Variants in SPOCK1 observed in about 807,000 individuals in gnomAD.
The protein encoded by SPOCK1 is testican-1.
In SPOCK1, 23 loss-of-function variants were observed where a neutral mutation model predicts 55.3. The ratio of observed to expected loss-of-function variants is 0.42; its 90% CI spans 0.30 to 0.59. SPOCK1 has a LOEUF of 0.59. SPOCK1 is among the 20% of genes least tolerant of loss of function. The pLI is 0.22. For synonymous variants in SPOCK1, 226 were observed against 221.0 expected, an observed-to-expected ratio of 1.02 and a Z score of -0.20; for missense variants, 499 against 552.5, an observed-to-expected ratio of 0.90 and a Z score of 0.97.
chr5:137,403,217 T>C (rs1480054687), intron 2 of SPOCK1, among the ~76,000 whole-genome samples: 1 of 152,132 alleles, frequency 6.6e-6, no homozygotes, highest in Non-Finnish European at 1.5e-5. Context: ...CCCTCACACC[T>C]CCAGTTGAGA....
chr5:137,478,976 C>G (rs1753894017), intron 2 of SPOCK1, among the ~76,000 whole-genome samples: 1 of 151,904 alleles, frequency 6.6e-6, no homozygotes, highest in Non-Finnish European at 1.5e-5. Context: ...CCTCCCTGCT[C>G]CCCCAGTCTG....
intron 3 of SPOCK1, among the ~76,000 whole-genome samples, chr5:137,149,427 T>C (rs545350429): frequency 6.6e-6 from 1 of 152,212 alleles, no homozygotes; most frequent in South Asian, 2.1e-4. Flanking sequence ...TGACATAAAT[T>C]ATTCATAAGA....
intron 2 of SPOCK1, among the ~76,000 whole-genome samples, chr5:137,466,637 A>T (rs1410786090): frequency 1.1e-4 from 17 of 152,232 alleles, no homozygotes; most frequent in Admixed American, 1.1e-3. Context: ...TGTAAAATTG[A>T]CATAATGGAA....
At chr5:137,056,701 G>T (rs1752307491) in intron 6 of SPOCK1, among the ~76,000 whole-genome samples, 2 of 151,938 alleles carry the variant, frequency 1.3e-5, no homozygotes, top group Non-Finnish European at 2.9e-5. Flanking sequence ...GATCTACTTG[G>T]TTGACAGCCT....
chr5:137,057,802 G>A (rs916952320), intron 6 of SPOCK1, among the ~76,000 whole-genome samples: 1 of 152,168 alleles, frequency 6.6e-6, no homozygotes, highest in Non-Finnish European at 1.5e-5. Context: ...TTGTAATGCT[G>A]TCTTTTCTTT....
intron 3 of SPOCK1, among the ~76,000 whole-genome samples, chr5:137,175,198 G>A (rs1043887704): frequency 7.2e-5 from 11 of 152,338 alleles, no homozygotes; most frequent in Admixed American, 4.6e-4. Context: ...GTGGAAAAGA[G>A]GGTGTTAGGA....
chr5:137,209,877 G>T (rs1160177208), intron 3 of SPOCK1, among the ~76,000 whole-genome samples: 1 of 152,140 alleles, frequency 6.6e-6, no homozygotes, highest in African/African-American at 2.4e-5. Flanking sequence ...AACACCAAAG[G>T]TAATAAATCC....
intron 6 of SPOCK1, among the ~76,000 whole-genome samples, chr5:137,006,644 CAG>C (rs911784892): frequency 6.6e-6 from 1 of 152,164 alleles, no homozygotes; most frequent in Non-Finnish European, 1.5e-5. Flanking sequence ...CATCTACAAA[CAG>C]AGATAATTTG....
In SPOCK1 at chr5:137,167,159, G is replaced by C. The variant is rs75217514; in HGVS notation, c.233-26465C>G. 2.0e-5 allele frequency among the ~76,000 whole-genome samples: 3 copies of C among 151,928 alleles called. No individual in the cohort carries two copies. In the East Asian group the frequency reaches 5.8e-4, roughly 29 times the overall value. ...TGCCATGGAAGCCATAAAAGAGCAG[G>C]AGTAGCAATTCCTACATTAGGTGAA... is the stretch of plus-strand genomic sequence containing the variant. On this transcript the variant is annotated intron_variant, in intron 3 of 10. Transcript: ENST00000394945.
At chr5:137,049,347 TTC>T (rs1272528019) in intron 6 of SPOCK1, among the ~76,000 whole-genome samples, 1 of 139,482 alleles carries the variant, frequency 7.2e-6, no homozygotes, top group African/African-American at 2.7e-5. Flanking sequence ...TTTCTTTTTA[TTC>T]TGTTTTCTCT....
intron 2 of SPOCK1, among the ~76,000 whole-genome samples, chr5:137,452,662 C>A (rs4246795): frequency 1 from 151,606 of 152,324 alleles, 75,449 homozygotes; most frequent in Middle Eastern, 1. Context: ...AAAAACAAAT[C>A]CCAAAGCATA....
chr5:137,075,156 G>C (rs779171560), intron 5 of SPOCK1, among the ~76,000 whole-genome samples: 3 of 152,198 alleles, frequency 2.0e-5, no homozygotes, highest in Non-Finnish European at 2.9e-5. Flanking sequence ...TTAATGACGG[G>C]TATACAGCAT....
At chr5:137,068,465 A>T (rs1752550425) in intron 5 of SPOCK1, among the ~76,000 whole-genome samples, 1 of 152,218 alleles carries the variant, frequency 6.6e-6, no homozygotes, top group African/African-American at 2.4e-5. Flanking sequence ...AGGATTAAAT[A>T]TTAGAAGCCC....
chr5:137,112,854 A>AC (rs1430927863), intron 4 of SPOCK1, among the ~76,000 whole-genome samples: 3 of 152,018 alleles, frequency 2.0e-5, no homozygotes, highest in African/African-American at 7.2e-5. Flanking sequence ...AAAAAAAAGA[A>AC]AAAAAACGGT....
chr5:137,350,115 G>GC (rs1193645314), intron 2 of SPOCK1, among the ~76,000 whole-genome samples: 2 of 152,128 alleles, frequency 1.3e-5, no homozygotes, highest in Admixed American at 6.5e-5. Flanking sequence ...AGAAACAGAT[G>GC]CTTGAGAGTC....
intron 3 of SPOCK1, among the ~76,000 whole-genome samples, chr5:137,256,471 G>C (rs1441251518): frequency 6.6e-6 from 1 of 152,178 alleles, no homozygotes; most frequent in African/African-American, 2.4e-5. Context: ...CATGGGGGCA[G>C]GCATCACATG....
At chr5:137,090,336 G>C (rs1407638121) in intron 5 of SPOCK1, among the ~76,000 whole-genome samples, 1 of 152,060 alleles carries the variant, frequency 6.6e-6, no homozygotes, top group East Asian at 1.9e-4. Context: ...GTGAATACCA[G>C]AACACCTCTC....
intron 6 of SPOCK1, among the ~76,000 whole-genome samples, chr5:137,024,124 T>A (rs947228750): frequency 5.3e-5 from 8 of 152,016 alleles, no homozygotes; most frequent in African/African-American, 1.7e-4. Context: ...GCTAGGCAGT[T>A]CCTTAAATGA....
At chr5:137,274,440 A>G (rs569079285) in intron 2 of SPOCK1, among the ~76,000 whole-genome samples, 29 of 152,338 alleles carry the variant, frequency 1.9e-4, no homozygotes, top group African/African-American at 5.5e-4. Context: ...TTCTTTATCC[A>G]TAAAACAAGA....
Sources: allele counts gnomAD v4.1 joint callset (sites outside exome capture counted in the v4.1 genomes callset), GRCh38; gene constraint gnomAD v4.1.1; transcripts MANE v1.5; gene names NCBI Gene and HGNC (gene_info 2026-07-23, HGNC 2026-07-21).